The following GRIA3 variants were observed in gnomAD, a reference collection of about 807,000 sequenced individuals.
The protein encoded by GRIA3 is glutamate receptor 3.
A neutral mutation model predicts 63.0 loss-of-function variants in GRIA3; 3 were observed. The observed-to-expected ratio is 0.05, with a 90% CI of 0.02 to 0.12. The LOEUF (loss-of-function observed/expected upper bound fraction) is 0.12. GRIA3 is among the 10% of genes least tolerant of loss of function. GRIA3 has a pLI of 1.00. For missense variants in GRIA3, 347 were observed against 700.9 expected, an observed-to-expected ratio of 0.50 and a Z score of 5.70; for synonymous variants, 274 against 257.9, an observed-to-expected ratio of 1.06 and a Z score of -0.60.
intron 2 of GRIA3, among the ~76,000 whole-genome samples, chrX:123,208,663 G>A (rs1345624898): frequency 8.9e-6 from 1 of 111,843 alleles, no homozygotes; most frequent in East Asian, 2.8e-4. Flanking sequence ...TTGAATCTCT[G>A]GGATATAAAG....
chrX:123,198,554 A>G (rs1927635175), intron 2 of GRIA3, among the ~76,000 whole-genome samples: 1 of 111,786 alleles, frequency 8.9e-6, no homozygotes, highest in East Asian at 2.8e-4. Flanking sequence ...TGCCCTGTGA[A>G]TTTGTAGCTG....
At chrX:123,441,872 A>C (rs895194959) in intron 12 of GRIA3, among the ~76,000 whole-genome samples, 1 of 111,562 alleles carries the variant, frequency 9.0e-6, no homozygotes, top group East Asian at 2.8e-4. Flanking sequence ...TTAGCATATT[A>C]TTGAAGTTTA....
chrX:123,483,040 T>C lies in GRIA3; in HGVS notation c.2681T>C (p.Ile894Thr). The change falls in exon 15 of 16, where the codon ATC (isoleucine) becomes ACC (threonine). Residue 894 changes from isoleucine to threonine, a missense_variant. Around this residue, in one of 8 missense-constraint regions of GRIA3, gnomAD observed 29 missense variants for 46.7 expected, o/e 0.62. Transcript: ENST00000620443. ...GTGTATGGAACAGAGAGTGTTAAGA[T>C]CTAGGGGTACGGTTAAGGTCTAGTA... ...YNVYGTESVKI is the reference protein window; with the variant it reads ...YNVYGTESVKT The C allele has an allele frequency of 8.3e-7, 1 of 1,199,993 alleles. No individual in the cohort carries two copies. Among genetic ancestry groups the C allele is most frequent in the Non-Finnish European group, 1.1e-6 (1 of 884,874 alleles).
intron 10 of GRIA3, among the ~76,000 whole-genome samples, chrX:123,412,504 C>A (rs2045512473): frequency 8.9e-6 from 1 of 111,809 alleles, no homozygotes; most frequent in Non-Finnish European, 1.9e-5. Flanking sequence ...AACTTACATG[C>A]GGCCAAAAAC....
chrX:123,313,552 C>T (rs1174135775), intron 3 of GRIA3, among the ~76,000 whole-genome samples: 1 of 111,154 alleles, frequency 9.0e-6, no homozygotes, highest in East Asian at 2.8e-4. Flanking sequence ...CACTTCCTTC[C>T]CCCTTTTCCT....
At chrX:123,221,356 T>C (rs758122995) in intron 2 of GRIA3, among the ~76,000 whole-genome samples, 3 of 111,908 alleles carry the variant, frequency 2.7e-5, no homozygotes, top group Admixed American at 9.4e-5. Flanking sequence ...TAAAATGACA[T>C]AGTACAAGGA....
At chrX:123,410,417 A>G (rs1028496902) in intron 10 of GRIA3, among the ~76,000 whole-genome samples, 27 of 111,977 alleles carry the variant, frequency 2.4e-4, no homozygotes, top group Non-Finnish European at 5.1e-4. Context: ...GGGGGTAGTA[A>G]TGGGGCTGCA....
intron 2 of GRIA3, among the ~76,000 whole-genome samples, chrX:123,187,157 A>G (rs1277628382): frequency 2.7e-5 from 3 of 111,983 alleles, no homozygotes; most frequent in African/African-American, 6.5e-5. Flanking sequence ...GAAACTTTGT[A>G]TATGACTTTC....
At chrX:123,376,642 A>G (rs900792227) in intron 5 of GRIA3, among the ~76,000 whole-genome samples, 2 of 111,574 alleles carry the variant, frequency 1.8e-5, no homozygotes, top group Admixed American at 9.5e-5. Flanking sequence ...ATTTCTTCCA[A>G]TGTTCTGAGT....
intron 5 of GRIA3, among the ~76,000 whole-genome samples, chrX:123,384,620 G>GA (rs113215158): frequency 8.4e-5 from 9 of 107,339 alleles, no homozygotes; most frequent in East Asian, 2.9e-4. Flanking sequence ...GTGAGACTCT[G>GA]AAAAAAAAAA....
chrX:123,258,537 A>G (rs187679035), intron 3 of GRIA3, among the ~76,000 whole-genome samples: 1 of 111,153 alleles, frequency 9.0e-6, no homozygotes, highest in Non-Finnish European at 1.9e-5. Flanking sequence ...GGTGCAAGTG[A>G]CCTAGTTCTC....
chrX:123,209,845 C>T (rs1247204613), intron 2 of GRIA3, among the ~76,000 whole-genome samples: 1 of 110,755 alleles, frequency 9.0e-6, no homozygotes, highest in East Asian at 2.8e-4. Flanking sequence ...GTACTGAGTC[C>T]ATATGCCTGT....
At chrX:123,256,046 G>A (rs1603051027) in intron 3 of GRIA3, among the ~76,000 whole-genome samples, 2 of 111,415 alleles carry the variant, frequency 1.8e-5, no homozygotes, top group Admixed American at 1.9e-4. Flanking sequence ...TTCCACTGCT[G>A]CCTAAATGCA....
chrX:123,282,639 C>T (rs911209136), intron 3 of GRIA3, among the ~76,000 whole-genome samples: 2 of 112,722 alleles, frequency 1.8e-5, no homozygotes, highest in African/African-American at 6.4e-5. Context: ...GGAGCAGTGG[C>T]TCATGCTTAT....
At chrX:123,271,963 C>G (rs1313502825) in intron 3 of GRIA3, among the ~76,000 whole-genome samples, 1 of 111,471 alleles carries the variant, frequency 9.0e-6, no homozygotes, top group African/African-American at 3.3e-5. Flanking sequence ...TAACTCAGTC[C>G]TCTCTCAATT....
At chrX:123,289,427 A>AATATAT (rs1299468442) in intron 3 of GRIA3, among the ~76,000 whole-genome samples, 1 of 101,647 alleles carries the variant, frequency 9.8e-6, no homozygotes, top group Non-Finnish European at 2.0e-5. Flanking sequence ...ATTTAAAAAA[A>AATATAT]ATATATATAT....
intron 11 of GRIA3, among the ~76,000 whole-genome samples, chrX:123,418,754 G>T (rs942167279): frequency 9.8e-5 from 11 of 112,434 alleles, no homozygotes; most frequent in African/African-American, 3.5e-4. Context: ...GCAATACCAA[G>T]TGCTGATGAC....
At chrX:123,286,396 G>A (rs1254474481) in intron 3 of GRIA3, among the ~76,000 whole-genome samples, 5 of 111,544 alleles carry the variant, frequency 4.5e-5, no homozygotes, top group Non-Finnish European at 9.4e-5. Flanking sequence ...AAACCTAGCA[G>A]AAGACAAGAA....
intron 3 of GRIA3, among the ~76,000 whole-genome samples, chrX:123,305,225 T>G (rs1299455077): frequency 9.0e-6 from 1 of 110,991 alleles, no homozygotes; most frequent in African/African-American, 3.3e-5. Flanking sequence ...CTGACCTGAT[T>G]TTGAACCCAC....
Sources: allele counts gnomAD v4.1 joint callset (sites outside exome capture counted in the v4.1 genomes callset), GRCh38; gene constraint gnomAD v4.1.1; regional missense constraint gnomAD v4.1.1; transcripts MANE v1.5; gene names NCBI Gene and HGNC (gene_info 2026-07-23, HGNC 2026-07-21).